Variants in GRM5 observed in about 807,000 individuals in gnomAD.
GRM5 encodes glutamate metabotropic receptor 5.
A neutral mutation model predicts 83.1 loss-of-function variants in GRM5; 19 were observed. The observed-to-expected ratio is 0.23, with a 90% CI of 0.16 to 0.34. GRM5 has a LOEUF of 0.34. Among genes scored for constraint, GRM5 ranks in the 10% least tolerant of loss-of-function variants. The pLI is 1.00. For synonymous variants in GRM5, 675 were observed against 633.6 expected (o/e 1.07, Z -0.98); for missense variants, 1,160 against 1,588.3 (o/e 0.73, Z 4.58).
intron 2 of GRM5, among the ~76,000 whole-genome samples, chr11:88,990,074 C>G (rs890289500): frequency 6.7e-6 from 1 of 149,100 alleles, no homozygotes; most frequent in African/African-American, 2.5e-5. Flanking sequence ...AATCCAGGAG[C>G]TGGTTTTTTG....
At chr11:88,645,814 AAGG>A (rs761950704) in intron 4 of GRM5, among the ~76,000 whole-genome samples, 1 of 152,116 alleles carries the variant, frequency 6.6e-6, no homozygotes, top group Non-Finnish European at 1.5e-5. Flanking sequence ...TAACAATGAA[AAGG>A]AGGGAACAGA....
intron 3 of GRM5, among the ~76,000 whole-genome samples, chr11:88,801,794 G>C (rs1590868034): frequency 1.4e-5 from 2 of 142,960 alleles, no homozygotes; most frequent in South Asian, 4.3e-4. Context: ...AATTAAGTTT[G>C]AATTTCAATT....
intron 9 of GRM5, among the ~76,000 whole-genome samples, chr11:88,523,255 T>G (rs1404328249): frequency 6.6e-6 from 1 of 152,210 alleles, no homozygotes; most frequent in African/African-American, 2.4e-5. Flanking sequence ...GACAGATTCC[T>G]AAGTTGTATT....
At chr11:88,718,512 A>G (rs1396530488) in intron 3 of GRM5, among the ~76,000 whole-genome samples, 2 of 152,100 alleles carry the variant, frequency 1.3e-5, no homozygotes, top group East Asian at 3.9e-4. Context: ...ATGTATTCAT[A>G]TATTACTTAT....
intron 2 of GRM5, among the ~76,000 whole-genome samples, chr11:89,041,218 CTGA>C (rs1941525280): frequency 6.6e-6 from 1 of 152,218 alleles, no homozygotes; most frequent in Non-Finnish European, 1.5e-5. Flanking sequence ...AGGTAAGCAT[CTGA>C]TTATTTAGAA....
At position 88,838,084 on chromosome 11, in the gene GRM5, CAAAAAAAA is replaced by C. The variant is rs1157680177; in HGVS notation, c.911+11814_911+11821del. ...TGGGTGACAGAGCGAGACTCCATCT[CAAAAAAAA>C]AAAAAAAAAAAAAAAAAGATATAAG... is the stretch of plus-strand genomic sequence containing the variant. On this transcript the variant is annotated intron_variant, in intron 3 of 9. Transcript: ENST00000305447. Among the ~76,000 whole-genome samples, 7 of 55,450 alleles carry C rather than the reference CAAAAAAAA, an allele frequency of 1.3e-4. No individual in the cohort carries two copies. In the East Asian group the frequency reaches 3.3e-3, roughly 26 times the overall value. 36.4% of individuals were successfully genotyped at this position (55,450 alleles called of 152,430 possible).
chr11:88,766,499 C>T (rs537979546), intron 3 of GRM5, among the ~76,000 whole-genome samples: 2 of 151,966 alleles, frequency 1.3e-5, no homozygotes, highest in East Asian at 3.9e-4. Context: ...GCTGGCTAGC[C>T]ATATGCAGAA....
intron 3 of GRM5, among the ~76,000 whole-genome samples, chr11:88,819,528 AT>A (rs1943749700): frequency 6.6e-6 from 1 of 152,208 alleles, no homozygotes; most frequent in South Asian, 2.1e-4. Flanking sequence ...CTCAATAGTC[AT>A]TTTTTGAAAC....
intron 2 of GRM5, among the ~76,000 whole-genome samples, chr11:88,953,288 C>G (rs1429936869): frequency 2.0e-5 from 3 of 152,184 alleles, no homozygotes. Flanking sequence ...CATCTACACA[C>G]ACTTATATGC....
intron 3 of GRM5, among the ~76,000 whole-genome samples, chr11:88,670,542 A>C (rs1369653572): frequency 4.6e-4 from 1 of 2,190 alleles, no homozygotes; most frequent in Non-Finnish European, 5.6e-3. Context: ...TGATAGCTAG[A>C]TAGGCAAAAA....
intron 1 of GRM5, among the ~76,000 whole-genome samples, chr11:89,054,860 T>C (rs1941840073): frequency 6.6e-6 from 1 of 152,250 alleles, no homozygotes; most frequent in Non-Finnish European, 1.5e-5. Context: ...TTGACATTAA[T>C]AGAGTGTTCT....
intron 3 of GRM5, among the ~76,000 whole-genome samples, chr11:88,747,202 C>T (rs1903849): frequency 0.15 from 22,594 of 152,118 alleles, 1,968 homozygotes; most frequent in African/African-American, 0.23. Context: ...AAAACTGTTT[C>T]CAAAAACACA....
At chr11:88,732,696 G>A (rs1265224686) in intron 3 of GRM5, among the ~76,000 whole-genome samples, 1 of 152,012 alleles carries the variant, frequency 6.6e-6, no homozygotes, top group Admixed American at 6.6e-5. Context: ...GAAGAAAGAA[G>A]ATAAAGAGAC....
intron 3 of GRM5, among the ~76,000 whole-genome samples, chr11:88,752,051 G>T (rs1002393122): frequency 2.0e-5 from 3 of 152,152 alleles, no homozygotes; most frequent in Non-Finnish European, 4.4e-5. Flanking sequence ...ACAAGACAAT[G>T]ATGCCCTCTC....
chr11:88,813,655 A>G (rs539251225), intron 3 of GRM5, among the ~76,000 whole-genome samples: 1 of 152,302 alleles, frequency 6.6e-6, no homozygotes, highest in African/African-American at 2.4e-5. Flanking sequence ...CAGTTTCATG[A>G]GAAAGTGAAA....
At chr11:88,718,740 AT>A (rs908166429) in intron 3 of GRM5, among the ~76,000 whole-genome samples, 3 of 151,732 alleles carry the variant, frequency 2.0e-5, no homozygotes, top group Non-Finnish European at 4.4e-5. Flanking sequence ...TCTGCATGAA[AT>A]TTTTCTATAA....
intron 3 of GRM5, among the ~76,000 whole-genome samples, chr11:88,798,820 A>AAAAAAAAAAAAAAAAAAAAAC (rs1555017418): frequency 7.3e-6 from 1 of 136,288 alleles, no homozygotes; most frequent in Non-Finnish European, 1.5e-5. Context: ...AAAAAAAAAA[A>AAAAAAAAAAAAAAAAAAAAAC]AAAAAAACAA....
chr11:88,508,754 C>G lies in GRM5; in HGVS notation c.3477G>C (p.Glu1159Asp), dbSNP rs745961968. 1.8e-5 allele frequency: 28 copies of G among 1,552,256 alleles called. No homozygotes were observed. Among genetic ancestry groups the G allele is most frequent in the Non-Finnish European group, 2.3e-5 (27 of 1,152,664 alleles). The change falls in exon 10 of 10, where the codon GAG (glutamate) becomes GAC (aspartate). Residue 1159 changes from glutamate to aspartate, a missense_variant. By Grantham distance (45) the Glu-to-Asp change is conservative. Transcript: ENST00000305447. The surrounding 1 kb of genome is among the most constrained non-coding windows in gnomAD (Gnocchi z 4.2). ...GGGACGGCGGGGTGAGAGCCACCAG[C>G]TCCTCCAGGTCTGGCTTGGCGGCCG... ...EAAAAKPDLE[E>D]LVALTPPSPF...
chr11:88,975,617 GA>G (rs1939309095), intron 2 of GRM5, among the ~76,000 whole-genome samples: 2 of 152,318 alleles, frequency 1.3e-5, no homozygotes, highest in African/African-American at 4.8e-5. Context: ...GAGCTTGATG[GA>G]AATGTAAAAT....
Sources: gnomAD v4.1 joint callset for allele counts (sites outside exome capture counted in the v4.1 genomes callset) on GRCh38, gnomAD v4.1.1 for gene constraint, Gnocchi (gnomAD v3.1) non-coding constraint, MANE v1.5 for transcripts, NCBI Gene and HGNC (gene_info 2026-07-23, HGNC 2026-07-21) for gene names.